The following DNAI4 variants were observed in gnomAD, a reference collection of about 807,000 sequenced individuals.
The protein encoded by DNAI4 is WD repeat domain 78.
DNAI4 carries 85 observed loss-of-function variants against 105.8 expected under a neutral mutation model. That is an observed-to-expected ratio of 0.80 (90% CI 0.67 to 0.96). The LOEUF (loss-of-function observed/expected upper bound fraction) is 0.96. DNAI4 is among the 40% of genes least tolerant of loss of function. The pLI, the probability that DNAI4 is intolerant of heterozygous loss-of-function variation, is 0.00. For missense variants in DNAI4, 1,014 were observed against 1,005.6 expected, an observed-to-expected ratio of 1.01 and a Z score of -0.11; for synonymous variants, 352 against 331.5, an observed-to-expected ratio of 1.06 and a Z score of -0.67.
rs1304391589 is a variant in DNAI4 at position 66,822,353 on chromosome 1, A to C, written c.2496+8T>G. Reference sequence around the variant, plus strand: ...AATGACACAAATTTTTTTACTCTTGAGTCTTACCCGGCCAGTTTCCAAAAC... The same window carrying C: ...AATGACACAAATTTTTTTACTCTTGCGTCTTACCCGGCCAGTTTCCAAAAC... On this transcript the variant is annotated splice_region_variant and intron_variant, in intron 16 of 16. Coordinates refer to ENST00000371026, the MANE Select transcript of DNAI4 (RefSeq NM_024763.5). 1.3e-6 allele frequency: 2 copies of C among 1,588,982 alleles called. No homozygotes were observed. The highest frequency in any genetic ancestry group is 2.7e-5 in the African/African-American group (2 of 73,676).
chr1:66,867,307 G>A (rs1021831112), intron 6 of DNAI4, among the ~76,000 whole-genome samples: 1 of 152,124 alleles, frequency 6.6e-6, no homozygotes, highest in Non-Finnish European at 1.5e-5. Flanking sequence ...GCTGGCACTT[G>A]TTGTTCCCCT....
At chr1:66,911,228 A>T (rs1456017072) in intron 1 of DNAI4, among the ~76,000 whole-genome samples, 2 of 152,228 alleles carry the variant, frequency 1.3e-5, no homozygotes, top group Non-Finnish European at 2.9e-5. Context: ...GGTTTATTGT[A>T]AAGTATATTA....
In DNAI4 at chr1:66,836,185, AAAG is replaced by A. The variant is rs1645989962; in HGVS notation, c.1582-411_1582-409del. ...GAAAGAAAGAAAGAAAGAAAGAAAG[AAAG>A]AAAGAAAGAAAGAAAGAAAGAGAGA... is the stretch of plus-strand genomic sequence containing the variant. On this transcript the variant is annotated intron_variant, in intron 10 of 16. Coordinates refer to ENST00000371026, the MANE Select transcript of DNAI4 (RefSeq NM_024763.5). Among the ~76,000 whole-genome samples the A allele has an allele frequency of 3.1e-5, 2 of 64,274 alleles. 1 individual carries two copies. Among genetic ancestry groups the A allele is most frequent in the Non-Finnish European group, 7.4e-5 (2 of 27,208 alleles). 42.2% of individuals were successfully genotyped at this position (64,274 alleles called of 152,430 possible).
At chr1:66,913,200 G>A (rs1205290273) in intron 1 of DNAI4, among the ~76,000 whole-genome samples, 1 of 152,066 alleles carries the variant, frequency 6.6e-6, no homozygotes, top group Non-Finnish European at 1.5e-5. Context: ...GTTTTCCTTG[G>A]CTCAAGTTAA....
At chr1:66,884,659 C>G (rs534933104) in intron 4 of DNAI4, among the ~76,000 whole-genome samples, 1 of 151,222 alleles carries the variant, frequency 6.6e-6, no homozygotes, top group Non-Finnish European at 1.5e-5. Context: ...CCATGTTCAT[C>G]AAGGATATTG....
Position 66,878,912 on chromosome 1 carries a change from G to T in DNAI4, c.644-3975C>A, listed in dbSNP as rs918085673. Among the ~76,000 whole-genome samples the T allele has an allele frequency of 1.4e-4, 21 of 152,056 alleles. No individual in the cohort carries two copies. The South Asian group carries it at 1.5e-3, about 11-fold the overall frequency. On this transcript the variant is annotated intron_variant, in intron 4 of 16. Transcript: ENST00000371026. ...TCTACTCATTTTCAATATTATTTAG[G>T]TATATACCCTTTCCTCCCACTCCTT...
At chr1:66,900,172 C>T (rs576602596) in intron 2 of DNAI4, among the ~76,000 whole-genome samples, 5 of 152,002 alleles carry the variant, frequency 3.3e-5, no homozygotes, top group African/African-American at 4.8e-5. Flanking sequence ...CAAGTTTAAG[C>T]GATTCTGCTG....
intron 4 of DNAI4, among the ~76,000 whole-genome samples, chr1:66,883,126 G>A (rs1418958724): frequency 6.8e-6 from 1 of 146,112 alleles, no homozygotes; most frequent in East Asian, 2.0e-4. Flanking sequence ...TATTGACCTT[G>A]TATCCTGCAG....
intron 7 of DNAI4, among the ~76,000 whole-genome samples, chr1:66,849,024 C>A (rs916009437): frequency 6.6e-6 from 1 of 152,178 alleles, no homozygotes; most frequent in African/African-American, 2.4e-5. Context: ...TCATCCCTAC[C>A]AAACATAATG....
chr1:66,896,011 AATATT>A (rs1377444948), intron 2 of DNAI4, among the ~76,000 whole-genome samples: 2 of 152,182 alleles, frequency 1.3e-5, no homozygotes, highest in African/African-American at 4.8e-5. Flanking sequence ...ATTGGCATAT[AATATT>A]TGTTTCTCAT....
intron 2 of DNAI4, among the ~76,000 whole-genome samples, chr1:66,901,910 C>A (rs1648853877): frequency 6.6e-6 from 1 of 152,156 alleles, no homozygotes; most frequent in Non-Finnish European, 1.5e-5. Context: ...AGCATCTAGG[C>A]ATCTAGGACT....
At chr1:66,857,982 A>G in intron 7 of DNAI4, among the ~76,000 whole-genome samples, 1 of 152,196 alleles carries the variant, frequency 6.6e-6, no homozygotes. Flanking sequence ...GATAATCTGA[A>G]TTGGCCTATA....
At chr1:66,907,662 G>A (rs1233652105) in intron 1 of DNAI4, among the ~76,000 whole-genome samples, 1 of 152,070 alleles carries the variant, frequency 6.6e-6, no homozygotes, top group African/African-American at 2.4e-5. Flanking sequence ...CTAAGTCACT[G>A]GCTCTATCTC....
Position 66,862,133 on chromosome 1 carries a change from A to C in DNAI4, c.1096+14T>G, listed in dbSNP as rs1463150523. ...TAAAGTCATTCAAAAAAACTAAAAT[A>C]AATGAAATCTTACTTTTTTCTGTAG... On this transcript the variant is annotated intron_variant, in intron 7 of 16. Coordinates refer to ENST00000371026, the MANE Select transcript of DNAI4 (RefSeq NM_024763.5). 6.4e-7 allele frequency: 1 copy of C among 1,557,912 alleles called. No individual in the cohort carries two copies. The highest frequency in any genetic ancestry group is 8.6e-7 in the Non-Finnish European group (1 of 1,159,938).
chr1:66,880,963 G>A lies in DNAI4; in HGVS notation c.644-6026C>T, dbSNP rs1198229402. Among the ~76,000 whole-genome samples, 8 of 152,146 alleles carry A rather than the reference G, an allele frequency of 5.3e-5. No individual in the cohort carries two copies. The South Asian group carries it at 1.0e-3, about 20-fold the overall frequency. ...GCCCTGCATCCCAGCCACTCCAGCC[G>A]TGACTAAAAGGGATGAAGGTACAGC... On this transcript the variant is annotated intron_variant, in intron 4 of 16. Coordinates refer to ENST00000371026, the MANE Select transcript of DNAI4 (RefSeq NM_024763.5).
At position 66,890,781 on chromosome 1, in the gene DNAI4, A is replaced by C. The variant is rs1569788288; in HGVS notation, c.643+373T>G. 3.6e-6 allele frequency: 1 copy of C among 279,932 alleles called. No individual in the cohort carries two copies. Among genetic ancestry groups the C allele is most frequent in the East Asian group, 1.2e-4 (1 of 8,194 alleles). The allele number at this position is 279,932 out of a possible 1,614,324, so 17.3% of individuals were successfully genotyped here. ...GAGGAGGAAGAGGAAGAAGAGGAAG[A>C]GGAGGAAGAAGAAGTGAGGAAGAAG... On this transcript the variant is annotated intron_variant, in intron 4 of 16. Transcript: ENST00000371026. This position sits in a 1 kb window ranked among gnomAD's most constrained non-coding sequence, Gnocchi z 4.1.
chr1:66,874,362 A>G (rs2100675487), intron 5 of DNAI4, among the ~76,000 whole-genome samples: 1 of 152,290 alleles, frequency 6.6e-6, no homozygotes, highest in East Asian at 1.9e-4. Flanking sequence ...TAAGTTTTAA[A>G]TATTAGGTTG....
Position 66,874,949 on chromosome 1 carries a change from G to A in DNAI4, c.644-12C>T, listed in dbSNP as rs201173456. The A allele has an allele frequency of 8.0e-5, 126 of 1,580,704 alleles. 2 individuals are homozygous for A. In the African/African-American group the frequency reaches 1.6e-3, roughly 20 times the overall value. ...TATAACTTGCAAATCTAAAATACAT[G>A]ACTTAATTAAAATCATTTACTAATT... On this transcript the variant is annotated splice_polypyrimidine_tract_variant and intron_variant, in intron 4 of 16. Transcript: ENST00000371026.
At chr1:66,843,513 C>A (rs1465964632) in intron 8 of DNAI4, among the ~76,000 whole-genome samples, 1 of 152,062 alleles carries the variant, frequency 6.6e-6, no homozygotes, top group African/African-American at 2.4e-5. Flanking sequence ...GTGTCTTTTG[C>A]AGAGCAGAAG....
Sources: gnomAD v4.1 joint callset for allele counts (sites outside exome capture counted in the v4.1 genomes callset) on GRCh38, gnomAD v4.1.1 for gene constraint, Gnocchi (gnomAD v3.1) non-coding constraint, MANE v1.5 for transcripts, NCBI Gene and HGNC (gene_info 2026-07-23, HGNC 2026-07-21) for gene names.